Variants in NDST3 observed in about 807,000 individuals in gnomAD.
NDST3 encodes the protein N-deacetylase and N-sulfotransferase 3.
In NDST3, 58 loss-of-function variants were observed where a neutral mutation model predicts 96.1. That is an observed-to-expected ratio of 0.60 (90% confidence interval 0.49 to 0.75). The LOEUF (loss-of-function observed/expected upper bound fraction) is 0.75. NDST3 is among the 30% of genes least tolerant of loss of function. The probability of loss-of-function intolerance (pLI) is 0.00; values close to 1 mark genes in which losing one functional copy is unlikely to be tolerated. For missense variants in NDST3, 788 were observed against 1,034.2 expected (o/e 0.76, Z 3.27); for synonymous variants, 333 against 359.7 (o/e 0.93, Z 0.84).
intron 13 of NDST3, among the ~76,000 whole-genome samples, chr4:118,254,451 CT>C (rs1209074650): frequency 6.6e-6 from 1 of 152,112 alleles, no homozygotes; most frequent in East Asian, 1.9e-4. Context: ...TAGACACACA[CT>C]TTGCAGTATG....
chr4:118,143,649 G>C lies in NDST3; in HGVS notation c.1504G>C (p.Gly502Arg). The change falls in exon 6 of 14, where the codon GGA (glycine) becomes CGA (arginine). Residue 502 changes from glycine (G) to arginine (R), a missense_variant. This residue lies in a region of NDST3 where 490 missense variants were observed against 708.8 expected (regional missense o/e 0.69). Transcript: ENST00000296499. ...TAAAGAGCTGGATAAGAGTATCCAA[G>C]GAGGAGAACTTTTCTTCACTGTCGT... ...GPKELDKSIQGGELFFTVVLN... is the reference protein window; with the variant it reads ...GPKELDKSIQRGELFFTVVLN... 6.2e-7 allele frequency: 1 copy of C among 1,605,204 alleles called. No individual in the cohort carries two copies. The highest frequency in any genetic ancestry group is 8.5e-7 in the Non-Finnish European group (1 of 1,177,314).
At chr4:118,041,485 C>G (rs901313835) in intron 1 of NDST3, among the ~76,000 whole-genome samples, 4 of 152,132 alleles carry the variant, frequency 2.6e-5, no homozygotes, top group Admixed American at 2.0e-4. Context: ...TTTCAGAATG[C>G]CTGTCTAAGT....
intron 11 of NDST3, among the ~76,000 whole-genome samples, chr4:118,241,082 T>C (rs1740977711): frequency 1.3e-5 from 2 of 152,204 alleles, no homozygotes; most frequent in African/African-American, 4.8e-5. Context: ...GTCCTATGTT[T>C]TTCTCAGCCC....
intron 6 of NDST3, among the ~76,000 whole-genome samples, chr4:118,156,560 T>C (rs1415782137): frequency 6.6e-6 from 1 of 152,218 alleles, no homozygotes; most frequent in East Asian, 1.9e-4. Flanking sequence ...ATACTATCTT[T>C]GGAATTTGAA....
intron 4 of NDST3, among the ~76,000 whole-genome samples, chr4:118,116,071 T>C (rs1284050213): frequency 1.3e-5 from 2 of 152,096 alleles, no homozygotes; most frequent in East Asian, 3.9e-4. Flanking sequence ...CCTAAAAAAA[T>C]AAACAAATAA....
chr4:118,066,242 A>T (rs28498433), intron 2 of NDST3, among the ~76,000 whole-genome samples: 3 of 51,474 alleles, frequency 5.8e-5, no homozygotes, highest in African/African-American at 1.6e-4. Flanking sequence ...ATTATATATT[A>T]TATATATTAT....
At chr4:118,061,657 T>A (rs557698612) in intron 2 of NDST3, among the ~76,000 whole-genome samples, 1 of 152,306 alleles carries the variant, frequency 6.6e-6, no homozygotes, top group South Asian at 2.1e-4. Context: ...ATGTAAGCTT[T>A]ATTAGGGCAA....
At chr4:118,089,882 A>G (rs560716624) in intron 2 of NDST3, among the ~76,000 whole-genome samples, 2 of 152,088 alleles carry the variant, frequency 1.3e-5, no homozygotes, top group African/African-American at 4.8e-5. Context: ...GGTGATAACT[A>G]TAAAAGAATA....
Position 118,255,904 on chromosome 4 carries a change from C to T in NDST3, c.*192C>T. On this transcript the variant is annotated 3_prime_UTR_variant, in exon 14 of 14. Transcript: ENST00000296499. ...GTGTTACAAGCCTTGAGGCCTGTGG[C>T]CTTTCTCTTAACCCATATCTGAGCC... The T allele has an allele frequency of 3.6e-6, 2 of 548,978 alleles. No individual in the cohort carries two copies. Among genetic ancestry groups the T allele is most frequent in the Admixed American group, 7.6e-5 (2 of 26,176 alleles). 34.0% of individuals were successfully genotyped at this position (548,978 alleles called of 1,614,324 possible).
In NDST3 at chr4:118,053,774, C is replaced by A; in HGVS notation, c.-137C>A. On this transcript the variant is annotated 5_prime_UTR_variant, in exon 2 of 14. Transcript: ENST00000296499. The stretch of plus-strand genomic sequence containing the variant: ...TTTTCAGACTGTATTTTCTGTGAGT[C>A]CTGATCAAGTGATACAAATGAGCTG... 1.1e-6 allele frequency: 1 copy of A among 886,118 alleles called. No individual in the cohort carries two copies. The highest frequency in any genetic ancestry group is 1.7e-6 in the Non-Finnish European group (1 of 594,266). The allele number at this position is 886,118 out of a possible 1,614,324, so 54.9% of individuals were successfully genotyped here.
At chr4:118,080,471 T>C (rs1439250454) in intron 2 of NDST3, among the ~76,000 whole-genome samples, 3 of 152,166 alleles carry the variant, frequency 2.0e-5, no homozygotes, top group African/African-American at 7.2e-5. Flanking sequence ...CATGGCCACA[T>C]ATACTTAGAT....
chr4:118,155,584 TTAATATTAA>T (rs1734664413), intron 6 of NDST3, among the ~76,000 whole-genome samples: 1 of 152,220 alleles, frequency 6.6e-6, no homozygotes, highest in Non-Finnish European at 1.5e-5. Flanking sequence ...ATTTCAATGT[TTAATATTAA>T]AGTTCTTTGG....
chr4:118,170,340 T>C (rs1333507597), intron 6 of NDST3, among the ~76,000 whole-genome samples: 2 of 152,226 alleles, frequency 1.3e-5, no homozygotes, highest in Non-Finnish European at 2.9e-5. Flanking sequence ...TATTCTTACA[T>C]GATACATGCC....
intron 2 of NDST3, among the ~76,000 whole-genome samples, chr4:118,074,478 C>T (rs1255370368): frequency 2.0e-5 from 3 of 152,090 alleles, no homozygotes; most frequent in African/African-American, 7.2e-5. Context: ...TTGAATTGAA[C>T]CTTTTATCAT....
chr4:118,182,696 A>G (rs1411390647), intron 6 of NDST3, among the ~76,000 whole-genome samples: 4 of 152,202 alleles, frequency 2.6e-5, no homozygotes, highest in Non-Finnish European at 5.9e-5. Flanking sequence ...AACAGAGAGA[A>G]TGTCTTCAAT....
At chr4:118,120,905 T>C (rs1731509324) in intron 4 of NDST3, among the ~76,000 whole-genome samples, 1 of 152,230 alleles carries the variant, frequency 6.6e-6, no homozygotes, top group Admixed American at 6.5e-5. Context: ...TTTACTTCTA[T>C]TAATGTAGCC....
rs538286274 is a variant in NDST3, at chr4:118,226,978, A to C, written c.1815A>C (p.Lys605Asn). The change falls in exon 8 of 14, where the codon AAA (lysine) becomes AAC (asparagine). Residue 605 changes from lysine to asparagine, a missense_variant. By Grantham distance (94) the Lys-to-Asn change is moderately conservative (BLOSUM62 0). Transcript: ENST00000296499. ...AATTCTTGGTAATAGGACCCCAGAAAACTGGTGAGAACTTTTTATGTTATG... is the reference window on the plus strand; with the variant it reads ...AATTCTTGGTAATAGGACCCCAGAACACTGGTGAGAACTTTTTATGTTATG... ...LPKFLVIGPQ[K>N]TGTTALYLFL... The C allele has an allele frequency of 4.4e-6, 7 of 1,597,844 alleles. No individual in the cohort carries two copies. In the South Asian group the frequency reaches 7.8e-5, roughly 18 times the overall value.
At chr4:118,150,372 C>T (rs921478407) in intron 6 of NDST3, among the ~76,000 whole-genome samples, 50 of 152,108 alleles carry the variant, frequency 3.3e-4, no homozygotes, top group Middle Eastern at 3.4e-3. Flanking sequence ...CAACAAAAGA[C>T]AAAATTGACA....
At chr4:118,109,309 G>T (rs879727532) in intron 3 of NDST3, among the ~76,000 whole-genome samples, 1 of 152,214 alleles carries the variant, frequency 6.6e-6, no homozygotes, top group Non-Finnish European at 1.5e-5. Context: ...GGTGTGTTTA[G>T]GGGGAGAGGG....
Sources: allele counts gnomAD v4.1 joint callset (sites outside exome capture counted in the v4.1 genomes callset), GRCh38; gene constraint gnomAD v4.1.1; regional missense constraint gnomAD v4.1.1; transcripts MANE v1.5; gene names NCBI Gene and HGNC (gene_info 2026-07-23, HGNC 2026-07-21).